The following NRIP2 variants were observed in gnomAD, a reference collection of about 807,000 sequenced individuals.
The protein encoded by NRIP2 is nuclear receptor interacting protein 2.
In NRIP2, 27 loss-of-function variants were observed where a neutral mutation model predicts 34.1. The ratio of observed to expected loss-of-function variants is 0.79; its 90% CI spans 0.58 to 1.09. NRIP2 has a LOEUF of 1.09. Among genes scored for constraint, NRIP2 ranks in the 50% least tolerant of loss-of-function variants. NRIP2 has a pLI of 0.00. For missense variants in NRIP2, 385 were observed against 352.6 expected (o/e 1.09, Z -0.74); for synonymous variants, 145 against 146.9 (o/e 0.99, Z 0.09).
rs1025006455 is a variant in NRIP2 at position 2,826,760 on chromosome 12, C to T, written c.*447G>A. 4.5e-5 allele frequency: 9 copies of T among 198,302 alleles called. No individual in the cohort carries two copies. The highest frequency in any genetic ancestry group is 7.1e-5 in the Non-Finnish European group (7 of 98,778). 12.3% of individuals were successfully genotyped at this position (198,302 alleles called of 1,614,324 possible). A position where few individuals can be genotyped will look rare whatever the true frequency, so the allele number is the denominator to read the frequency against. ...AGGGACATAGGTTGGTGAGGCATGG[C>T]GGTCTAGTTGTGGGAGATAATGAGG... On this transcript the variant is annotated 3_prime_UTR_variant, in exon 6 of 6. Transcript: ENST00000337508.
In NRIP2 at chr12:2,834,804, ATC is replaced by A. The variant is rs1364409681; in HGVS notation, c.178_179del (p.Asp60Ter). The A allele has an allele frequency of 6.2e-7, 1 of 1,612,836 alleles. No individual in the cohort carries two copies. ...AMSTKQEARR[D>X]EGEARTRGQE... ...GCCCCCTCGTCCTGGCTTCTCCCTC[ATC>A]TCTCCTGGCCTCCTGCTTGGTGCTC... is the stretch of plus-strand genomic sequence containing the variant. On this transcript the variant is annotated frameshift_variant, in exon 1 of 6. Transcript: ENST00000337508. LOFTEE classifies it high-confidence loss of function.
Position 2,834,816 on chromosome 12 carries a change from C to T in NRIP2, c.168G>A (p.Glu56=), listed in dbSNP as rs748481351. ...TGGCTTCTCCCTCATCTCTCCTGGC[C>T]TCCTGCTTGGTGCTCATGGCCCCTG... ...PPAGAMSTKQ[E]ARRDEGEART... The change falls in exon 1 of 6, where the codon GAG becomes GAA. Residue 56 remains glutamate, a synonymous_variant. Transcript: ENST00000337508. 7.4e-6 allele frequency: 12 copies of T among 1,613,780 alleles called. No homozygotes were observed. Among genetic ancestry groups the T allele is most frequent in the Middle Eastern group, 3.3e-4 (2 of 6,058 alleles).
chr12:2,827,445 A>C lies in NRIP2; in HGVS notation c.754-146T>G. ...CCCCATTTCCCTAGACTCCTGTTGAAGGGGGTGACCCAGTTCTCTTGATTT... is the reference window on the plus strand; with the variant it reads ...CCCCATTTCCCTAGACTCCTGTTGACGGGGGTGACCCAGTTCTCTTGATTT... On this transcript the variant is annotated intron_variant, in intron 5 of 5. Transcript: ENST00000337508. The surrounding 1 kb of genome is among the most constrained non-coding windows in gnomAD (Gnocchi z 4.0). 2 of 1,527,158 alleles carry C rather than the reference A, an allele frequency of 1.3e-6. No individual in the cohort carries two copies. The highest frequency in any genetic ancestry group is 1.7e-6 in the Non-Finnish European group (2 of 1,144,828). 94.6% of individuals were successfully genotyped at this position (1,527,158 alleles called of 1,614,324 possible). A position where few individuals can be genotyped will look rare whatever the true frequency, so the allele number is the denominator to read the frequency against.
rs765127682 is a variant in NRIP2, at chr12:2,834,955, G to A, written c.29C>T (p.Pro10Leu). 54 of 1,591,084 alleles carry A rather than the reference G, an allele frequency of 3.4e-5. No homozygotes were observed. The highest frequency in any genetic ancestry group is 4.5e-5 in the South Asian group (4 of 88,838). MLFIFPLSLPWRPSCWKESC... is the reference protein window; with the variant it reads MLFIFPLSLLWRPSCWKESC... Reference sequence around the variant, plus strand: ...CTCTTTCCAACAGGAGGGTCTCCACGGGAGGGAAAGAGGAAAAATAAATAA... The same window carrying A: ...CTCTTTCCAACAGGAGGGTCTCCACAGGAGGGAAAGAGGAAAAATAAATAA... The change falls in exon 1 of 6, where the codon CCG (proline) becomes CTG (leucine). Residue 10 changes from proline to leucine, a missense_variant. Physicochemically the swap from Pro to Leu is moderately conservative, Grantham distance 98. Coordinates refer to ENST00000337508, the MANE Select transcript of NRIP2 (RefSeq NM_031474.3).
chr12:2,828,133 G>A, intron 3 of NRIP2, 86 bp from the exon 4 acceptor site: 2 of 1,334,898 alleles, frequency 1.5e-6, no homozygotes, highest in South Asian at 1.3e-5. Context: ...CTCTACTATG[G>A]TTTCATCTCC....
chr12:2,830,572 G>T, intron 2 of NRIP2, 136 bp downstream of exon 2: 2 of 913,814 alleles, frequency 2.2e-6, no homozygotes, highest in East Asian at 2.8e-5. Flanking sequence ...GAGGATCCTG[G>T]TTAGGTCCAG....
chr12:2,830,504 TG>T, intron 2 of NRIP2: 1 of 527,742 alleles, frequency 1.9e-6, no homozygotes, highest in Non-Finnish European at 3.3e-6. Flanking sequence ...AGAGTAATGG[TG>T]GTGACAGATG....
chr12:2,832,173 G>C (rs1440541420), intron 1 of NRIP2, among the ~76,000 whole-genome samples: 1 of 152,122 alleles, frequency 6.6e-6, no homozygotes. Flanking sequence ...TGATTCATGT[G>C]CAGGTTAAAG....
At chr12:2,833,726 G>C (rs915609125) in intron 1 of NRIP2, among the ~76,000 whole-genome samples, 2 of 152,072 alleles carry the variant, frequency 1.3e-5, no homozygotes, top group Admixed American at 6.5e-5. Flanking sequence ...GTAATAGCTG[G>C]GGGAATAATA....
chr12:2,833,946 C>G (rs544095059), intron 1 of NRIP2, among the ~76,000 whole-genome samples: 4 of 152,240 alleles, frequency 2.6e-5, no homozygotes, highest in East Asian at 1.9e-4. Flanking sequence ...TGCGCAGCCC[C>G]GCTTGTCAGC....
intron 1 of NRIP2, among the ~76,000 whole-genome samples, chr12:2,832,021 G>T (rs1366017378): frequency 6.6e-6 from 1 of 151,998 alleles, no homozygotes; most frequent in Non-Finnish European, 1.5e-5. Flanking sequence ...CATCTGCTTG[G>T]AGCTTCAGCC....
chr12:2,828,250 G>A (rs553193747), intron 3 of NRIP2, 82 bp downstream of exon 3: 59 of 1,285,510 alleles, frequency 4.6e-5, no homozygotes, highest in Middle Eastern at 3.7e-4. Context: ...TGCAACTGTC[G>A]TCACTATCTA....
At position 2,826,914 on chromosome 12, in the gene NRIP2, T is replaced by G. The variant is rs1273926439; in HGVS notation, c.*293A>C. 3 of 1,148,720 alleles carry G rather than the reference T, an allele frequency of 2.6e-6. No individual in the cohort carries two copies. Among genetic ancestry groups the G allele is most frequent in the Middle Eastern group, 3.6e-4 (1 of 2,810 alleles). 71.2% of individuals were successfully genotyped at this position (1,148,720 alleles called of 1,614,324 possible). A position where few individuals can be genotyped will look rare whatever the true frequency, so the allele number is the denominator to read the frequency against. ...AGCCCAAGCAGGCACCCCATTGTGC[T>G]TAGGTTCCTATCTGTGGTCTTGATT... is the stretch of plus-strand genomic sequence containing the variant. On this transcript the variant is annotated 3_prime_UTR_variant, in exon 6 of 6. Coordinates refer to ENST00000337508, the MANE Select transcript of NRIP2 (RefSeq NM_031474.3).
At position 2,830,762 on chromosome 12, in the gene NRIP2, C is replaced by A. The variant is rs757489683; in HGVS notation, c.441G>T (p.Glu147Asp). 39 of 1,613,884 alleles carry A rather than the reference C, an allele frequency of 2.4e-5. No homozygotes were observed. In the South Asian group the frequency reaches 4.2e-4, roughly 17 times the overall value. Residue 147 changes from glutamate (E) to aspartate (D), a missense_variant, in exon 2 of 6, where the codon GAG (glutamate) becomes GAT (aspartate). Coordinates refer to ENST00000337508, the MANE Select transcript of NRIP2 (RefSeq NM_031474.3). ...PRMQDLIHGQESRRKTSRTEI... is the reference protein window; with the variant it reads ...PRMQDLIHGQDSRRKTSRTEI... ...CTGTCCTGCTGGTCTTCCTCCTGCT[C>A]TCCTGGCCATGAATCAGGTCCTGCA...
chr12:2,831,011 G>C, intron 1 of NRIP2, 151 bp from the exon 2 acceptor site: 1 of 657,094 alleles, frequency 1.5e-6, no homozygotes, highest in South Asian at 2.1e-5. Context: ...CCCAGATAAT[G>C]AGAGCAGAGT....
Position 2,826,016 on chromosome 12 carries a change from A to C in NRIP2, c.*1191T>G, listed in dbSNP as rs1362833550. ...TGACCTCAAGTGATCCACCCACCTCAGCCTCCCAAAGTGCTGGGATTACAG... is the reference window on the plus strand; with the variant it reads ...TGACCTCAAGTGATCCACCCACCTCCGCCTCCCAAAGTGCTGGGATTACAG... On this transcript the variant is annotated 3_prime_UTR_variant, in exon 6 of 6. Transcript: ENST00000337508. 5 of 152,164 alleles carry C rather than the reference A, an allele frequency of 3.3e-5. No homozygotes were observed. The highest frequency in any genetic ancestry group is 5.9e-5 in the Non-Finnish European group (4 of 68,128). The allele number at this position is 152,164 out of a possible 1,614,324, so 9.4% of individuals were successfully genotyped here. A position where few individuals can be genotyped will look rare whatever the true frequency, so the allele number is the denominator to read the frequency against.
rs1211854289 is a variant in NRIP2 at position 2,834,649 on chromosome 12, T to C, written c.335A>G (p.Lys112Arg). 1 of 1,596,116 alleles carries C rather than the reference T, an allele frequency of 6.3e-7. No homozygotes were observed. The stretch of plus-strand genomic sequence containing the variant: ...GGAGGGGTGATGCCTCACCAAGTCC[T>C]TGGAGGTGCCGAGCCTCTTGAGGCT... ...LDSLKRLGTS[K>R]DLQPRSVIQR... Residue 112 changes from lysine (K) to arginine (R), a missense_variant, in exon 1 of 6, where the codon AAG becomes AGG. Physicochemically the swap from Lys to Arg is conservative, Grantham distance 26 (BLOSUM62 2). Transcript: ENST00000337508.
chr12:2,827,527 C>T lies in NRIP2; in HGVS notation c.753+98G>A. On this transcript the variant is annotated intron_variant, in intron 5 of 5. Transcript: ENST00000337508. The surrounding 1 kb of genome is among the most constrained non-coding windows in gnomAD (Gnocchi z 4.0). ...GAAGCAAAGGGACAGTTGCCCATCT[C>T]TAAGTCACTCTCATCAGAACCTGGT... is the stretch of plus-strand genomic sequence containing the variant. The T allele has an allele frequency of 8.2e-6, 13 of 1,589,218 alleles. No homozygotes were observed. The highest frequency in any genetic ancestry group is 1.1e-5 in the Non-Finnish European group (13 of 1,170,972).
Position 2,827,100 on chromosome 12 carries a change from G to A in NRIP2, c.*107C>T, listed in dbSNP as rs985423549. On this transcript the variant is annotated 3_prime_UTR_variant, in exon 6 of 6. Transcript: ENST00000337508. This position sits in a 1 kb window ranked among gnomAD's most constrained non-coding sequence, Gnocchi z 4.0. ...CAGGGGTCAGGGAGGTGATTGGAAGGGCAGACACCATAGTCCCCAGCTACC... is the reference window on the plus strand; with the variant it reads ...CAGGGGTCAGGGAGGTGATTGGAAGAGCAGACACCATAGTCCCCAGCTACC... 1 of 1,557,614 alleles carries A rather than the reference G, an allele frequency of 6.4e-7. No individual in the cohort carries two copies. Among genetic ancestry groups the A allele is most frequent in the South Asian group, 1.2e-5 (1 of 84,148 alleles).
Sources: gnomAD v4.1 joint callset for allele counts (sites outside exome capture counted in the v4.1 genomes callset) on GRCh38, gnomAD v4.1.1 for gene constraint, Gnocchi (gnomAD v3.1) non-coding constraint, MANE v1.5 for transcripts, NCBI Gene and HGNC (gene_info 2026-07-23, HGNC 2026-07-21) for gene names.